Variants in MTHFD2L observed in about 807,000 individuals in gnomAD.
MTHFD2L encodes bifunctional methylenetetrahydrofolate dehydrogenase/cyclohydrolase 2, mitochondrial.
A neutral mutation model predicts 34.9 loss-of-function variants in MTHFD2L; 29 were observed. The observed-to-expected ratio is 0.83, with a 90% confidence interval of 0.62 to 1.13. The LOEUF (loss-of-function observed/expected upper bound fraction) is 1.13, where lower values mean the gene tolerates loss of function less well. Ranked by LOEUF, MTHFD2L falls within the 50% of genes most tolerant of loss-of-function variation. MTHFD2L has a pLI of 0.00. For synonymous variants in MTHFD2L, 167 were observed against 155.7 expected (o/e 1.07, Z -0.54); for missense variants, 481 against 446.5 (o/e 1.08, Z -0.70).
At chr4:74,297,136 C>A (rs1169079576) in intron 7 of MTHFD2L, among the ~76,000 whole-genome samples, 1 of 152,060 alleles carries the variant, frequency 6.6e-6, no homozygotes, top group African/African-American at 2.4e-5. Flanking sequence ...CTAAAGTTTG[C>A]AGAGAGGTCA....
chr4:74,274,496 C>A (rs985967837), intron 6 of MTHFD2L, among the ~76,000 whole-genome samples: 2 of 152,190 alleles, frequency 1.3e-5, no homozygotes, highest in African/African-American at 4.8e-5. Context: ...TGCCACAAGG[C>A]ACTCCTGCTT....
intron 7 of MTHFD2L, among the ~76,000 whole-genome samples, chr4:74,292,105 C>G (rs1375019801): frequency 6.6e-6 from 1 of 152,166 alleles, no homozygotes; most frequent in Non-Finnish European, 1.5e-5. Flanking sequence ...TTTCACGAAA[C>G]AGGTAGAACC....
Position 74,300,542 on chromosome 4 carries a change from A to G in MTHFD2L, c.932-1155A>G, listed in dbSNP as rs1279463318. On this transcript the variant is annotated intron_variant, in intron 7 of 7. Coordinates refer to ENST00000325278, the MANE Select transcript of MTHFD2L (RefSeq NM_001144978.3). ...TGTGGTTAATAATGTCAGATTATGCATTAAAGAAATATTGTCTATGCTAAC... is the reference window on the plus strand; with the variant it reads ...TGTGGTTAATAATGTCAGATTATGCGTTAAAGAAATATTGTCTATGCTAAC... 1.3e-5 allele frequency among the ~76,000 whole-genome samples: 2 copies of G among 152,114 alleles called. 1 individual carries two copies. The highest frequency in any genetic ancestry group is 1.3e-4 in the Admixed American group (2 of 15,244).
chr4:74,219,202 T>A (rs1246112795), intron 5 of MTHFD2L, among the ~76,000 whole-genome samples: 1 of 152,148 alleles, frequency 6.6e-6, no homozygotes, highest in East Asian at 1.9e-4. Context: ...AACCAGTCCC[T>A]CCCAGATACT....
chr4:74,154,249 T>G (rs1724111571), upstream of MTHFD2L, among the ~76,000 whole-genome samples: 1 of 152,192 alleles, frequency 6.6e-6, no homozygotes, highest in Non-Finnish European at 1.5e-5. Flanking sequence ...TTGGTGTTGA[T>G]GTTAATCCTG....
At chr4:74,171,169 C>CT (rs1727896073) in intron 1 of MTHFD2L, among the ~76,000 whole-genome samples, 1 of 152,014 alleles carries the variant, frequency 6.6e-6, no homozygotes, top group African/African-American at 2.4e-5. Context: ...AAACAACCTA[C>CT]TAAACAATGG....
chr4:74,157,486 G>A, upstream of MTHFD2L: 1 of 366,242 alleles, frequency 2.7e-6, no homozygotes, highest in South Asian at 2.1e-5. Flanking sequence ...CACAATGCAG[G>A]GTTCTTAGCC....
At chr4:74,177,347 G>A (rs570595040) in intron 3 of MTHFD2L, among the ~76,000 whole-genome samples, 1 of 152,008 alleles carries the variant, frequency 6.6e-6, no homozygotes, top group African/African-American at 2.4e-5. Flanking sequence ...CTTATAGTTT[G>A]CAGTTTTTGA....
intron 1 of MTHFD2L, chr4:74,165,092 A>G: frequency 1.3e-5 from 6 of 464,882 alleles, no homozygotes; most frequent in Non-Finnish European, 1.7e-5. Flanking sequence ...AAGGGGCACG[A>G]ATGTAATGAA....
chr4:74,165,368 A>AT lies in MTHFD2L; in HGVS notation c.143+7095dup, dbSNP rs914562379. Among the ~76,000 whole-genome samples, 28 of 151,752 alleles carry AT rather than the reference A, an allele frequency of 1.8e-4. No homozygotes were observed. In the East Asian group the frequency reaches 3.1e-3, roughly 17 times the overall value. ...GTTAATAAGATCTTATGCTTTGTTTATTTTTTTTGAGACAGAGTCTTTCTC... is the reference window on the plus strand; with the variant it reads ...GTTAATAAGATCTTATGCTTTGTTTATTTTTTTTTGAGACAGAGTCTTTCTC... On this transcript the variant is annotated intron_variant, in intron 1 of 7. Coordinates refer to ENST00000325278, the MANE Select transcript of MTHFD2L (RefSeq NM_001144978.3).
chr4:74,297,559 A>G (rs1049926518), intron 7 of MTHFD2L, among the ~76,000 whole-genome samples: 1 of 151,838 alleles, frequency 6.6e-6, no homozygotes, highest in Admixed American at 6.6e-5. Flanking sequence ...ATTTCTCTTT[A>G]ATGGAGCATG....
At chr4:74,291,003 C>CCTTTTTTTTTTTTTTTTTTTTTTTTTT (rs1748846516) in intron 7 of MTHFD2L, among the ~76,000 whole-genome samples, 1 of 29,272 alleles carries the variant, frequency 3.4e-5, no homozygotes, top group African/African-American at 1.1e-4. Context: ...TTTTCCTTTT[C>CCTTTTTTTTTTTTTTTTTTTTTTTTTT]TTTTTTTTTT....
At chr4:74,180,741 G>T (rs959768255) in intron 3 of MTHFD2L, 2 of 449,814 alleles carry the variant, frequency 4.4e-6, no homozygotes, top group Non-Finnish European at 9.0e-6. Flanking sequence ...GAGTACACAG[G>T]CTTGCTCTTT....
chr4:74,246,504 T>C (rs971671919), intron 6 of MTHFD2L, among the ~76,000 whole-genome samples: 3 of 152,216 alleles, frequency 2.0e-5, no homozygotes, highest in Admixed American at 2.0e-4. Context: ...TTGTCAATTT[T>C]AGCTTTTTTT....
intron 7 of MTHFD2L, among the ~76,000 whole-genome samples, chr4:74,289,371 T>A (rs1346067526): frequency 6.6e-6 from 1 of 152,150 alleles, no homozygotes; most frequent in Non-Finnish European, 1.5e-5. Context: ...GGGGCCTGGC[T>A]GGCGGTTTTT....
chr4:74,233,948 C>T (rs1668127405), intron 6 of MTHFD2L, among the ~76,000 whole-genome samples: 1 of 151,670 alleles, frequency 6.6e-6, no homozygotes, highest in Non-Finnish European at 1.5e-5. Context: ...TATATATGTA[C>T]TATTTCTGAT....
intron 7 of MTHFD2L, among the ~76,000 whole-genome samples, chr4:74,292,948 C>T (rs1401603236): frequency 6.6e-6 from 1 of 151,950 alleles, no homozygotes; most frequent in Non-Finnish European, 1.5e-5. Flanking sequence ...GACTGACATG[C>T]TATTTGGTTC....
At chr4:74,284,153 G>C (rs983482231) in intron 7 of MTHFD2L, among the ~76,000 whole-genome samples, 6 of 152,072 alleles carry the variant, frequency 3.9e-5, no homozygotes, top group African/African-American at 1.2e-4. Flanking sequence ...GTTAAAAGTA[G>C]GTAACATTGA....
intron 1 of MTHFD2L, among the ~76,000 whole-genome samples, chr4:74,134,382 T>A (rs964788361): frequency 6.6e-6 from 1 of 152,116 alleles, no homozygotes; most frequent in Non-Finnish European, 1.5e-5. Context: ...CTCCTCCTTA[T>A]GGGACAGGCA....
Sources: allele counts gnomAD v4.1 joint callset (sites outside exome capture counted in the v4.1 genomes callset), GRCh38; gene constraint gnomAD v4.1.1; transcripts MANE v1.5; gene names NCBI Gene and HGNC (gene_info 2026-07-23, HGNC 2026-07-21).